Variants in EIF4A1 observed in about 807,000 individuals in gnomAD.
EIF4A1 encodes the protein eukaryotic initiation factor 4A-I.
Under a neutral mutation model 53.5 loss-of-function variants are expected in EIF4A1, and 11 were observed. The ratio of observed to expected loss-of-function variants is 0.21; its 90% CI spans 0.13 to 0.34. The LOEUF is 0.34. EIF4A1 is among the 10% of genes least tolerant of loss of function. EIF4A1 has a pLI of 1.00. For missense variants in EIF4A1, 213 were observed against 530.8 expected, an observed-to-expected ratio of 0.40 and a Z score of 5.88; for synonymous variants, 237 against 186.7, an observed-to-expected ratio of 1.27 and a Z score of -2.20.
At position 7,576,861 on chromosome 17, in the gene EIF4A1, A is replaced by G; in HGVS notation, c.514+169A>G. The G allele has an allele frequency of 2.2e-6, 3 of 1,386,750 alleles. No individual in the cohort carries two copies. In the South Asian group the frequency reaches 3.6e-5, roughly 16 times the overall value. 85.9% of individuals were successfully genotyped at this position (1,386,750 alleles called of 1,614,324 possible). A position where few individuals can be genotyped will look rare whatever the true frequency, so the allele number is the denominator to read the frequency against. On this transcript the variant is annotated intron_variant, in intron 5 of 10. Coordinates refer to ENST00000293831, the MANE Select transcript of EIF4A1 (RefSeq NM_001416.4). ...CATCTGAGCCTCTGGCTTCCCTGCC[A>G]GTGCAGCCCTGGCAGTGTCCTACTT...
Position 7,574,240 on chromosome 17 carries a change from C to G in EIF4A1, c.24-20C>G. On this transcript the variant is annotated intron_variant, in intron 1 of 10. Transcript: ENST00000293831. ...TGCTTCGGTCGGGCAGGGGACAAAACTTATGCTTTAAACCAACAGATCCAG... is the reference window on the plus strand; with the variant it reads ...TGCTTCGGTCGGGCAGGGGACAAAAGTTATGCTTTAAACCAACAGATCCAG... 1 of 1,614,016 alleles carries G rather than the reference C, an allele frequency of 6.2e-7. No individual in the cohort carries two copies. The highest frequency in any genetic ancestry group is 2.2e-5 in the East Asian group (1 of 44,880).
Position 7,574,290 on chromosome 17 carries a change from G to T in EIF4A1, c.54G>T (p.Glu18Asp), listed in dbSNP as rs372189155. The change falls in exon 2 of 11, where the codon GAG becomes GAT. Residue 18 changes from glutamate to aspartate, a missense_variant. By Grantham distance (45) the Glu-to-Asp change is conservative. Transcript: ENST00000293831. ...GAGACAATGGCCCCGATGGGATGGA[G>T]CCCGAAGGCGTCATCGAGGTGAGAC... is the stretch of plus-strand genomic sequence containing the variant. The part of the protein sequence containing the change: ...RSRDNGPDGM[E>D]PEGVIESNWN... 1.5e-5 allele frequency: 24 copies of T among 1,614,082 alleles called. No homozygotes were observed. In the African/African-American group the frequency reaches 2.9e-4, roughly 20 times the overall value.
intron 1 of EIF4A1, chr17:7,573,166 C>T (rs2071347298): frequency 1.1e-5 from 6 of 552,268 alleles, no homozygotes; most frequent in Middle Eastern, 4.8e-4. Flanking sequence ...CGCGACCTGG[C>T]GTGGGAAAGA....
Position 7,576,562 on chromosome 17 carries a change from C to A in EIF4A1, c.384C>A (p.Gly128=), listed in dbSNP as rs141394259. The A allele has an allele frequency of 6.2e-7, 1 of 1,609,952 alleles. No individual in the cohort carries two copies. Among genetic ancestry groups the A allele is most frequent in the African/African-American group, 1.3e-5 (1 of 74,828 alleles). Residue 128 remains glycine (G), a synonymous_variant, in exon 5 of 11, where the codon GGC becomes GGA. Transcript: ENST00000293831. Reference sequence around the variant, plus strand: ...TCATGGCACTAGGAGACTACATGGGCGCCTCCTGTCACGCCTGTATCGGGG... The same window carrying A: ...TCATGGCACTAGGAGACTACATGGGAGCCTCCTGTCACGCCTGTATCGGGG... ...KVVMALGDYM[G]ASCHACIGGT...
Position 7,572,876 on chromosome 17 carries a change from A to T in EIF4A1, c.23+12A>T, listed in dbSNP as rs1186243707. ...AGCCAGGATTCCCGGTAAGAAAGGC[A>T]TTTGCAAGAGATTGTGGCTGCTTAT... On this transcript the variant is annotated intron_variant, in intron 1 of 10. Transcript: ENST00000293831. The T allele has an allele frequency of 6.2e-7, 1 of 1,614,162 alleles. No individual in the cohort carries two copies. The highest frequency in any genetic ancestry group is 8.5e-7 in the Non-Finnish European group (1 of 1,179,982).
chr17:7,573,976 ACCT>A, intron 1 of EIF4A1: 5 of 443,486 alleles, frequency 1.1e-5, no homozygotes. Context: ...GGCAAGCACC[ACCT>A]CTGGGCACCG....
chr17:7,578,632 G>A lies in EIF4A1; in HGVS notation c.*146G>A. 3 of 979,532 alleles carry A rather than the reference G, an allele frequency of 3.1e-6. No individual in the cohort carries two copies. Among genetic ancestry groups the A allele is most frequent in the East Asian group, 3.0e-5 (1 of 33,674 alleles). 60.7% of individuals were successfully genotyped at this position (979,532 alleles called of 1,614,324 possible). On this transcript the variant is annotated 3_prime_UTR_variant, in exon 11 of 11. Transcript: ENST00000293831. ...ATGTCACTTTTTGAGGCAAAAGAAG[G>A]AACCGTGAACATTTTAGACACCCTT... is the stretch of plus-strand genomic sequence containing the variant.
In EIF4A1 at chr17:7,575,882, T is replaced by C. The variant is rs540770944; in HGVS notation, c.345+624T>C. On this transcript the variant is annotated intron_variant, in intron 4 of 10. Coordinates refer to ENST00000293831, the MANE Select transcript of EIF4A1 (RefSeq NM_001416.4). ...ATATGCATCACCTGTTCTATAAAACTGGTTGCTGGCTGGGTGTGGTGGCTC... is the reference window on the plus strand; with the variant it reads ...ATATGCATCACCTGTTCTATAAAACCGGTTGCTGGCTGGGTGTGGTGGCTC... The C allele has an allele frequency of 7.7e-5, 13 of 168,628 alleles. No homozygotes were observed. The South Asian group carries it at 1.3e-3, about 17-fold the overall frequency. 10.4% of individuals were successfully genotyped at this position (168,628 alleles called of 1,614,324 possible).
Position 7,575,476 on chromosome 17 carries a change from T to TG in EIF4A1, c.345+219dup, listed in dbSNP as rs1220447167. On this transcript the variant is annotated intron_variant, in intron 4 of 10. Coordinates refer to ENST00000293831, the MANE Select transcript of EIF4A1 (RefSeq NM_001416.4). ...TGAGTCAAATGGGAAAGCTGTTGGG[T>TG]GAAGCCTGGCTGGCTGGGCAAGTTT... 5.3e-6 allele frequency: 4 copies of TG among 755,632 alleles called. No homozygotes were observed. In the African/African-American group the frequency reaches 6.9e-5, roughly 13 times the overall value. The allele number at this position is 755,632 out of a possible 1,614,324, so 46.8% of individuals were successfully genotyped here. A position where few individuals can be genotyped will look rare whatever the true frequency, so the allele number is the denominator to read the frequency against.
chr17:7,575,362 A>AT, intron 4 of EIF4A1, 104 bp downstream of exon 4: 1 of 1,533,132 alleles, frequency 6.5e-7, no homozygotes, highest in Non-Finnish European at 8.9e-7. Context: ...GGAGGAAGAC[A>AT]TGGGTGCCCT....
Position 7,572,835 on chromosome 17 carries a change from A to C in EIF4A1, c.-7A>C. ...AGGCGGGCACTCCGCCCTAGTTTCT[A>C]AGGATCATGTCTGCGAGCCAGGATT... On this transcript the variant is annotated 5_prime_UTR_variant, in exon 1 of 11. Coordinates refer to ENST00000293831, the MANE Select transcript of EIF4A1 (RefSeq NM_001416.4). 6.2e-7 allele frequency: 1 copy of C among 1,614,152 alleles called. No individual in the cohort carries two copies. Among genetic ancestry groups the C allele is most frequent in the Non-Finnish European group, 8.5e-7 (1 of 1,179,968 alleles).
At chr17:7,573,327 C>T (rs954482749) in intron 1 of EIF4A1, 1 of 220,802 alleles carries the variant, frequency 4.5e-6, no homozygotes, top group Admixed American at 5.4e-5. Context: ...GATCCAGTCA[C>T]TTCGTCGCGG....
At chr17:7,576,986 G>C in intron 5 of EIF4A1, 70 bp from the exon 6 acceptor site, 2 of 1,566,158 alleles carry the variant, frequency 1.3e-6, no homozygotes, top group Non-Finnish European at 1.8e-6. Context: ...TTTTATCAGC[G>C]AAGTTGGATA....
intron 2 of EIF4A1, 107 bp from the exon 3 acceptor site, chr17:7,574,439 A>C: frequency 1.2e-6 from 2 of 1,602,430 alleles, no homozygotes. Context: ...GGAGGGTTGT[A>C]AGCTCTGAGG....
chr17:7,577,726 G>T lies in EIF4A1; in HGVS notation c.906+20G>T. ...GCCATGGTGTGTTTGCCCGCTGCCA[G>T]CCTGTTGTGGGTCTGCCCGTCAGAA... On this transcript the variant is annotated intron_variant, in intron 8 of 10. Coordinates refer to ENST00000293831, the MANE Select transcript of EIF4A1 (RefSeq NM_001416.4). The surrounding 1 kb of genome is among the most constrained non-coding windows in gnomAD (Gnocchi z 4.7). The T allele has an allele frequency of 6.2e-7, 1 of 1,613,760 alleles. No homozygotes were observed. The highest frequency in any genetic ancestry group is 8.5e-7 in the Non-Finnish European group (1 of 1,179,992).
In EIF4A1 at chr17:7,578,699, CCA is replaced by C; in HGVS notation, c.*214_*215del. On this transcript the variant is annotated 3_prime_UTR_variant, in exon 11 of 11. Transcript: ENST00000293831. Reference sequence around the variant, plus strand: ...CTTGCCCCAGGCGCCGGCTCTTCTCCCAAAAAAAAAAAAAAAACACTAATCCA... The same window carrying C: ...CTTGCCCCAGGCGCCGGCTCTTCTCCAAAAAAAAAAAAAAACACTAATCCA... 2.6e-6 allele frequency: 1 copy of C among 379,016 alleles called. No homozygotes were observed. The highest frequency in any genetic ancestry group is 4.5e-6 in the Non-Finnish European group (1 of 219,784). The allele number at this position is 379,016 out of a possible 1,614,324, so 23.5% of individuals were successfully genotyped here.
Position 7,577,329 on chromosome 17 carries a change from C to A in EIF4A1, c.625-15C>A, listed in dbSNP as rs1567735112. On this transcript the variant is annotated splice_polypyrimidine_tract_variant and intron_variant, in intron 6 of 10. Coordinates refer to ENST00000293831, the MANE Select transcript of EIF4A1 (RefSeq NM_001416.4). This position sits in a 1 kb window ranked among gnomAD's most constrained non-coding sequence, Gnocchi z 4.7. ...AAGGAACCAGCACTCTAAGACTGGC[C>A]TTTTTTTCCACTAGGTAGTTTTGCT... 1 of 1,613,636 alleles carries A rather than the reference C, an allele frequency of 6.2e-7. No homozygotes were observed. The highest frequency in any genetic ancestry group is 2.2e-5 in the East Asian group (1 of 44,886).
chr17:7,577,723 C>G lies in EIF4A1; in HGVS notation c.906+17C>G. 1 of 1,613,648 alleles carries G rather than the reference C, an allele frequency of 6.2e-7. No individual in the cohort carries two copies. Among genetic ancestry groups the G allele is most frequent in the Non-Finnish European group, 8.5e-7 (1 of 1,179,970 alleles). On this transcript the variant is annotated intron_variant, in intron 8 of 10. Coordinates refer to ENST00000293831, the MANE Select transcript of EIF4A1 (RefSeq NM_001416.4). The surrounding 1 kb of genome is among the most constrained non-coding windows in gnomAD (Gnocchi z 4.7). The stretch of plus-strand genomic sequence containing the variant: ...TCCGCCATGGTGTGTTTGCCCGCTG[C>G]CAGCCTGTTGTGGGTCTGCCCGTCA...
At chr17:7,573,769 A>C in intron 1 of EIF4A1, 1 of 155,130 alleles carries the variant, frequency 6.4e-6, no homozygotes, top group Non-Finnish European at 1.4e-5. Context: ...GCGGCCTCCC[A>C]CATCCGGGCA....
Sources: allele counts gnomAD v4.1 joint callset, GRCh38; gene constraint gnomAD v4.1.1; non-coding constraint Gnocchi (gnomAD v3.1); transcripts MANE v1.5; gene names NCBI Gene and HGNC (gene_info 2026-07-23, HGNC 2026-07-21).